The following DCUN1D4 variants were observed in gnomAD, a reference collection of about 807,000 sequenced individuals.
DCUN1D4 encodes the protein defective in cullin neddylation 1 domain containing 4, also known as DCN1-like protein 4.
DCUN1D4 carries 22 observed loss-of-function variants against 47.9 expected under a neutral mutation model. The ratio of observed to expected loss-of-function variants is 0.46; its 90% CI spans 0.33 to 0.66. The LOEUF (loss-of-function observed/expected upper bound fraction) is 0.66. DCUN1D4 is among the 30% of genes least tolerant of loss of function. DCUN1D4 has a pLI of 0.02. For missense variants in DCUN1D4, 301 were observed against 340.8 expected (o/e 0.88, Z 0.92); for synonymous variants, 121 against 112.2 (o/e 1.08, Z -0.50).
intron 1 of DCUN1D4, among the ~76,000 whole-genome samples, chr4:51,859,259 C>T (rs1724634174): frequency 6.6e-6 from 1 of 152,110 alleles, no homozygotes. Flanking sequence ...ATTGTTCATT[C>T]TGAACAATAA....
chr4:51,912,368 T>A (rs769086853), intron 9 of DCUN1D4, among the ~76,000 whole-genome samples: 1 of 152,198 alleles, frequency 6.6e-6, no homozygotes, highest in Non-Finnish European at 1.5e-5. Context: ...TTTTACCTGC[T>A]TAGAAAGTTA....
chr4:51,862,258 G>A (rs960077809), intron 1 of DCUN1D4, among the ~76,000 whole-genome samples: 1 of 152,246 alleles, frequency 6.6e-6, no homozygotes, highest in Non-Finnish European at 1.5e-5. Flanking sequence ...AATGTGAGGG[G>A]CTCTGCTTCT....
At chr4:51,871,878 T>C (rs1726950031) in intron 3 of DCUN1D4, among the ~76,000 whole-genome samples, 1 of 152,180 alleles carries the variant, frequency 6.6e-6, no homozygotes, top group Non-Finnish European at 1.5e-5. Flanking sequence ...CAGGGCAGCA[T>C]TTTACAGGGA....
chr4:51,916,417 A>G lies in DCUN1D4; in HGVS notation c.*2833A>G, dbSNP rs1324955969. The G allele has an allele frequency of 6.6e-6, 1 of 152,570 alleles. No individual in the cohort carries two copies. The highest frequency in any genetic ancestry group is 1.5e-5 in the Non-Finnish European group (1 of 68,004). 9.5% of individuals were successfully genotyped at this position (152,570 alleles called of 1,614,324 possible). On this transcript the variant is annotated 3_prime_UTR_variant, in exon 11 of 11. Coordinates refer to ENST00000334635, the MANE Select transcript of DCUN1D4 (RefSeq NM_001040402.3). The stretch of plus-strand genomic sequence containing the variant: ...CATTTTAACAGTGCTTTTGAAGTTT[A>G]TACAGAAAGCTTTAAAAGTTAGTTT...
intron 1 of DCUN1D4, among the ~76,000 whole-genome samples, chr4:51,849,762 C>G (rs1723085982): frequency 6.6e-6 from 1 of 152,042 alleles, no homozygotes; most frequent in Non-Finnish European, 1.5e-5. Context: ...GTTGGGATGC[C>G]TAGGAGCTAA....
chr4:51,886,528 G>A (rs367638565), intron 5 of DCUN1D4, 40 bp from the exon 6 acceptor site: 7 of 1,567,544 alleles, frequency 4.5e-6, no homozygotes, highest in Non-Finnish European at 6.1e-6. Context: ...AGTATGGTGT[G>A]CATGGTCAGA....
At chr4:51,880,899 C>A (rs962030190) in intron 5 of DCUN1D4, among the ~76,000 whole-genome samples, 1 of 152,058 alleles carries the variant, frequency 6.6e-6, no homozygotes, top group Admixed American at 6.6e-5. Context: ...GAGGTCAAGG[C>A]GGGTGGATCA....
chr4:51,843,153 A>G lies in DCUN1D4; in HGVS notation c.-90A>G. 1 of 1,516,506 alleles carries G rather than the reference A, an allele frequency of 6.6e-7. No individual in the cohort carries two copies. The highest frequency in any genetic ancestry group is 8.8e-7 in the Non-Finnish European group (1 of 1,132,386). The allele number at this position is 1,516,506 out of a possible 1,614,324, so 93.9% of individuals were successfully genotyped here. A position where few individuals can be genotyped will look rare whatever the true frequency, so the allele number is the denominator to read the frequency against. On this transcript the variant is annotated 5_prime_UTR_variant, in exon 1 of 11. Coordinates refer to ENST00000334635, the MANE Select transcript of DCUN1D4 (RefSeq NM_001040402.3). ...TGGGAGTGCCCGGCGGCGGGTCCTC[A>G]GCTTCGAGCCGAGGTGCAGTGAGCT... is the stretch of plus-strand genomic sequence containing the variant.
chr4:51,849,987 T>G (rs528466061), intron 1 of DCUN1D4, among the ~76,000 whole-genome samples: 4 of 152,188 alleles, frequency 2.6e-5, no homozygotes, highest in African/African-American at 7.2e-5. Flanking sequence ...ATTTTAAGTG[T>G]TGTTGGGTGA....
intron 5 of DCUN1D4, 70 bp downstream of exon 5, chr4:51,877,924 G>A (rs1299979720): frequency 8.9e-7 from 1 of 1,118,408 alleles, no homozygotes; most frequent in East Asian, 2.5e-5. Flanking sequence ...GATGATTAAA[G>A]AATTTAAAAA....
intron 1 of DCUN1D4, among the ~76,000 whole-genome samples, chr4:51,862,660 T>A (rs1286953937): frequency 6.6e-6 from 1 of 152,136 alleles, no homozygotes; most frequent in East Asian, 1.9e-4. Flanking sequence ...TATGAAATTA[T>A]TAATAAACTT....
At chr4:51,869,429 ATGTTAGTAAG>A (rs1413361674) in intron 3 of DCUN1D4, among the ~76,000 whole-genome samples, 1 of 152,210 alleles carries the variant, frequency 6.6e-6, no homozygotes, top group Non-Finnish European at 1.5e-5. Flanking sequence ...GCTCCGTAAA[ATGTTAGTAAG>A]TGAAACAAGG....
intron 1 of DCUN1D4, among the ~76,000 whole-genome samples, chr4:51,846,253 G>A (rs1354614820): frequency 6.6e-6 from 1 of 152,062 alleles, no homozygotes; most frequent in Non-Finnish European, 1.5e-5. Flanking sequence ...ATTTTCTTGT[G>A]AACGTAGCTG....
upstream of DCUN1D4, among the ~76,000 whole-genome samples, chr4:51,840,398 A>C (rs1163924515): frequency 2.6e-5 from 4 of 152,238 alleles, no homozygotes; most frequent in African/African-American, 4.8e-5. Context: ...AAGGGAGAGT[A>C]GTTTACCTAT....
intron 8 of DCUN1D4, chr4:51,905,279 G>C (rs1231037149): frequency 2.2e-6 from 1 of 445,726 alleles, no homozygotes; most frequent in Non-Finnish European, 4.6e-6. Flanking sequence ...GAGCCAGCGA[G>C]GAGGGGCAGC....
chr4:51,886,749 A>C, intron 6 of DCUN1D4, 111 bp downstream of exon 6: 1 of 879,948 alleles, frequency 1.1e-6, no homozygotes, highest in East Asian at 2.7e-5. Flanking sequence ...GTTAGTTTTT[A>C]TGAAGCAGTC....
At chr4:51,851,845 G>A (rs186343394) in intron 1 of DCUN1D4, among the ~76,000 whole-genome samples, 1 of 152,250 alleles carries the variant, frequency 6.6e-6, no homozygotes, top group African/African-American at 2.4e-5. Flanking sequence ...GTGTAGAAAG[G>A]TTAACTCCCC....
chr4:51,863,670 A>G lies in DCUN1D4; in HGVS notation c.97A>G (p.Asn33Asp), dbSNP rs753659465. Residue 33 changes from asparagine to aspartate, a missense_variant and splice_region_variant, in exon 3 of 11, where the codon AAC (asparagine) becomes GAC (aspartate). Asn to Asp is a conservative substitution (Grantham distance 23, BLOSUM62 1). Transcript: ENST00000334635. ...HKIYHTLNKL[N>D]LTEDIGQDDH... ...GTAATAACGAACATATTTCTTTCAG[A>G]ACCTAACAGAAGACATTGGCCAAGA... is the stretch of plus-strand genomic sequence containing the variant. 2.5e-6 allele frequency: 4 copies of G among 1,613,528 alleles called. No individual in the cohort carries two copies. In the Admixed American group the frequency reaches 5.0e-5, roughly 20 times the overall value.
At chr4:51,853,709 T>A (rs956640275) in intron 1 of DCUN1D4, among the ~76,000 whole-genome samples, 1 of 152,150 alleles carries the variant, frequency 6.6e-6, no homozygotes, top group African/African-American at 2.4e-5. Flanking sequence ...GTATTTGGTG[T>A]TTTTCAGTCT....
Sources: allele counts gnomAD v4.1 joint callset (sites outside exome capture counted in the v4.1 genomes callset), GRCh38; gene constraint gnomAD v4.1.1; transcripts MANE v1.5; gene names NCBI Gene and HGNC (gene_info 2026-07-23, HGNC 2026-07-21).